The following C14orf39 variants were observed in gnomAD, a reference collection of about 807,000 sequenced individuals.
The protein encoded by C14orf39 is chromosome 14 open reading frame 39.
Under a neutral mutation model 85.6 loss-of-function variants are expected in C14orf39, and 66 were observed. That is an observed-to-expected ratio of 0.77 (90% confidence interval 0.63 to 0.95). C14orf39 has a LOEUF of 0.95. Among genes scored for constraint, C14orf39 ranks in the 40% least tolerant of loss-of-function variants. The pLI, the probability that C14orf39 is intolerant of heterozygous loss-of-function variation, is 0.00. For missense variants in C14orf39, 735 were observed against 663.9 expected, an observed-to-expected ratio of 1.11 and a Z score of -1.18; for synonymous variants, 242 against 214.0, an observed-to-expected ratio of 1.13 and a Z score of -1.14.
upstream of C14orf39, among the ~76,000 whole-genome samples, chr14:60,487,492 CGT>C (rs1308228152): frequency 1.0e-4 from 15 of 150,240 alleles, no homozygotes; most frequent in Non-Finnish European, 1.6e-4. Flanking sequence ...AATAAAAGTC[CGT>C]GTGTGTGTGT....
rs958745864 is a variant in C14orf39 at position 60,511,202 on chromosome 14, G to A, written c.-144+4193C>T. The stretch of plus-strand genomic sequence containing the variant: ...GGCCGCCAGTCTATCCAGCAAGGCG[G>A]CCACTTCAGCCATCTCCATCACGTC... On this transcript the variant is annotated intron_variant, in intron 1 of 5. Transcript: ENST00000556799. 1.2e-6 allele frequency: 2 copies of A among 1,613,106 alleles called. No individual in the cohort carries two copies. Among genetic ancestry groups the A allele is most frequent in the African/African-American group, 1.3e-5 (1 of 74,932 alleles).
chr14:60,490,678 C>A (rs932706046), upstream of C14orf39, among the ~76,000 whole-genome samples: 1 of 152,022 alleles, frequency 6.6e-6, no homozygotes, highest in African/African-American at 2.4e-5. Context: ...TAACACAAAA[C>A]TCCCCAGAAT....
At chr14:60,474,879 T>C (rs1157477096) in intron 5 of C14orf39, among the ~76,000 whole-genome samples, 3 of 152,112 alleles carry the variant, frequency 2.0e-5, no homozygotes, top group Non-Finnish European at 4.4e-5. Flanking sequence ...TGTTGTGTCT[T>C]CACCAGGCTT....
At chr14:60,479,671 CTTAATA>C (rs781398019) in intron 4 of C14orf39, among the ~76,000 whole-genome samples, 25 of 42,318 alleles carry the variant, frequency 5.9e-4, no homozygotes, top group Non-Finnish European at 2.3e-3. Context: ...ACTAAATTAG[CTTAATA>C]TTATGAATAT....
At chr14:60,443,461 G>C (rs1354212258) in intron 16 of C14orf39, among the ~76,000 whole-genome samples, 2 of 152,204 alleles carry the variant, frequency 1.3e-5, no homozygotes, top group Admixed American at 6.5e-5. Flanking sequence ...GCTGCAGCCT[G>C]GCAGGGGGAG....
chr14:60,451,703 G>A (rs1595450138), intron 16 of C14orf39, among the ~76,000 whole-genome samples: 1 of 123,844 alleles, frequency 8.1e-6, no homozygotes, highest in Non-Finnish European at 1.7e-5. Context: ...AGGGGGTGGG[G>A]GGAGGGATAG....
At chr14:60,495,548 A>G in intron 2 of C14orf39, 1 of 229,748 alleles carries the variant, frequency 4.4e-6, no homozygotes, top group South Asian at 8.4e-5. Context: ...ACAGGTACAG[A>G]GAGTACATGG....
intron 5 of C14orf39, among the ~76,000 whole-genome samples, chr14:60,475,932 A>C (rs1238451574): frequency 6.6e-6 from 1 of 152,174 alleles, no homozygotes; most frequent in Non-Finnish European, 1.5e-5. Flanking sequence ...TTCTTAAAAG[A>C]TACCCTGAGG....
chr14:60,497,727 T>C lies in C14orf39; in HGVS notation c.-9+1569A>G, dbSNP rs190013719. Reference sequence around the variant, plus strand: ...CCCATCTCTACTAAAACTATTTTTTTAAAAATTAGTTGGGCATGGTGGCGG... The same window carrying C: ...CCCATCTCTACTAAAACTATTTTTTCAAAAATTAGTTGGGCATGGTGGCGG... On this transcript the variant is annotated intron_variant, in intron 2 of 5. Coordinates refer to the C14orf39 transcript ENST00000556799. Among the ~76,000 whole-genome samples, 4 of 151,974 alleles carry C rather than the reference T, an allele frequency of 2.6e-5. No individual in the cohort carries two copies. The South Asian group carries it at 8.3e-4, about 32-fold the overall frequency.
upstream of C14orf39, among the ~76,000 whole-genome samples, chr14:60,488,440 T>C (rs542390176): frequency 3.9e-5 from 6 of 152,286 alleles, no homozygotes; most frequent in South Asian, 1.2e-3. Flanking sequence ...TCCAGTGAAT[T>C]ACAGTGCTCC....
At chr14:60,507,509 GC>G (rs1306121884) in intron 1 of C14orf39, among the ~76,000 whole-genome samples, 7 of 152,194 alleles carry the variant, frequency 4.6e-5, no homozygotes, top group Admixed American at 3.3e-4. Context: ...AGAAAAGAAA[GC>G]CTCTCCGTTG....
chr14:60,476,188 G>T (rs1892369840), intron 5 of C14orf39, among the ~76,000 whole-genome samples: 1 of 152,182 alleles, frequency 6.6e-6, no homozygotes, highest in Non-Finnish European at 1.5e-5. Flanking sequence ...TGGGAAAAAT[G>T]GTCCAGGGAA....
intron 5 of C14orf39, among the ~76,000 whole-genome samples, chr14:60,475,735 T>C (rs1364001252): frequency 1.3e-5 from 2 of 152,164 alleles, no homozygotes; most frequent in South Asian, 2.1e-4. Flanking sequence ...CCAACTCTAA[T>C]CGAAAACATT....
At chr14:60,499,002 C>T (rs1223213926) in intron 2 of C14orf39, among the ~76,000 whole-genome samples, 1 of 152,080 alleles carries the variant, frequency 6.6e-6, no homozygotes, top group East Asian at 1.9e-4. Flanking sequence ...CTCACACCTG[C>T]AGTCCTAGCA....
chr14:60,477,007 G>A (rs1380529312), intron 5 of C14orf39, among the ~76,000 whole-genome samples: 2 of 152,062 alleles, frequency 1.3e-5, no homozygotes, highest in Admixed American at 6.5e-5. Context: ...TTCATCAAAG[G>A]CTTCAACTTC....
chr14:60,484,992 C>A lies in C14orf39; in HGVS notation c.49+38G>T, dbSNP rs1332160273. On this transcript the variant is annotated intron_variant, in intron 2 of 17. Transcript: ENST00000321731. The surrounding 1 kb of genome is among the most constrained non-coding windows in gnomAD (Gnocchi z 4.2). ...ATTCATTGTTAAAATATCAAATGAT[C>A]ATACAAAAAGCTACCTATTTTTTCA... 3.2e-6 allele frequency: 5 copies of A among 1,585,698 alleles called. No individual in the cohort carries two copies. Among genetic ancestry groups the A allele is most frequent in the Non-Finnish European group, 4.3e-6 (5 of 1,169,842 alleles).
At chr14:60,514,811 T>C (rs1197266416) in intron 1 of C14orf39, among the ~76,000 whole-genome samples, 6 of 152,254 alleles carry the variant, frequency 3.9e-5, no homozygotes, top group African/African-American at 1.2e-4. Context: ...CTTTTCGCTC[T>C]ATTCAACGGG....
At chr14:60,483,935 A>G in intron 3 of C14orf39, 118 bp from the exon 4 acceptor site, 1 of 662,208 alleles carries the variant, frequency 1.5e-6, no homozygotes, top group South Asian at 2.1e-5. Context: ...GAGAATGGAG[A>G]GGAAACGAGG....
intron 1 of C14orf39, among the ~76,000 whole-genome samples, chr14:60,502,530 A>C (rs977856859): frequency 6.6e-6 from 1 of 152,264 alleles, no homozygotes; most frequent in Admixed American, 6.5e-5. Flanking sequence ...ATTATCTTAC[A>C]TTAATTTCAC....
Sources: allele counts gnomAD v4.1 joint callset (sites outside exome capture counted in the v4.1 genomes callset), GRCh38; gene constraint gnomAD v4.1.1; non-coding constraint Gnocchi (gnomAD v3.1); transcripts MANE v1.5; gene names NCBI Gene and HGNC (gene_info 2026-07-23, HGNC 2026-07-21).